The following CLIC5 variants were observed in gnomAD, a reference collection of about 807,000 sequenced individuals.
CLIC5 encodes chloride intracellular channel protein 5.
A neutral mutation model predicts 24.7 loss-of-function variants in CLIC5; 20 were observed. The ratio of observed to expected loss-of-function variants is 0.81; its 90% confidence interval spans 0.57 to 1.18. CLIC5 has a LOEUF of 1.18. Among genes scored for constraint, CLIC5 ranks in the 50% most tolerant of loss-of-function variants. The probability of loss-of-function intolerance (pLI) is 0.00; values close to 1 mark genes in which losing one functional copy is unlikely to be tolerated. For missense variants in CLIC5, 341 were observed against 326.1 expected (o/e 1.05, Z -0.35); for synonymous variants, 159 against 135.6 (o/e 1.17, Z -1.20).
chr6:46,052,013 A>G (rs1768116952), intron 1 of CLIC5, among the ~76,000 whole-genome samples: 2 of 152,260 alleles, frequency 1.3e-5, no homozygotes, highest in South Asian at 4.2e-4. Context: ...CATTCAGCAA[A>G]CATTGTTAAT....
At chr6:46,124,314 C>G in the CLIC5 span, among the ~76,000 whole-genome samples, 2 of 152,114 alleles carry the variant, frequency 1.3e-5, no homozygotes, top group Admixed American at 6.5e-5. Flanking sequence ...ACAAACCTGA[C>G]AAAAACAAGA....
chr6:45,972,425 G>A (rs952969288), intron 1 of CLIC5, among the ~76,000 whole-genome samples: 2 of 152,280 alleles, frequency 1.3e-5, no homozygotes, highest in South Asian at 2.1e-4. Context: ...AGAACACAAT[G>A]TCCTACAGCT....
intron 5 of CLIC5, chr6:45,912,684 T>C (rs1376826114): frequency 1.3e-6 from 2 of 1,534,862 alleles, no homozygotes; most frequent in Non-Finnish European, 1.7e-6. Flanking sequence ...ATTGTATCAC[T>C]CTGACACAGT....
chr6:45,905,781 A>C (rs1762644693), intron 5 of CLIC5, among the ~76,000 whole-genome samples: 1 of 152,084 alleles, frequency 6.6e-6, no homozygotes, highest in South Asian at 2.1e-4. Context: ...TTGTAACTTC[A>C]TCATAAATTA....
chr6:45,885,243 GC>G (rs1561910328), intron 6 of CLIC5, among the ~76,000 whole-genome samples: 6 of 152,048 alleles, frequency 3.9e-5, no homozygotes, highest in Admixed American at 2.6e-4. Flanking sequence ...GAGCTCTCTC[GC>G]CCTGTTTCTA....
chr6:45,965,090 C>A (rs150041203), intron 1 of CLIC5, among the ~76,000 whole-genome samples: 2 of 152,108 alleles, frequency 1.3e-5, no homozygotes, highest in Non-Finnish European at 2.9e-5. Context: ...CAGTACCTAG[C>A]GTTCAGGGTT....
At chr6:46,040,345 C>T (rs1414078578) in intron 1 of CLIC5, among the ~76,000 whole-genome samples, 1 of 151,988 alleles carries the variant, frequency 6.6e-6, no homozygotes, top group East Asian at 1.9e-4. Flanking sequence ...AATAGCTGAT[C>T]ATGGTGATGG....
intron 4 of CLIC5, among the ~76,000 whole-genome samples, chr6:45,927,460 T>C (rs1190235175): frequency 2.0e-5 from 3 of 152,116 alleles, no homozygotes; most frequent in African/African-American, 7.2e-5. Context: ...ATGAAGACAA[T>C]TCAGAAGAAA....
chr6:45,985,596 C>CAGTGGG (rs1765707345), intron 1 of CLIC5, among the ~76,000 whole-genome samples: 1 of 152,146 alleles, frequency 6.6e-6, no homozygotes, highest in East Asian at 2.0e-4. Flanking sequence ...TGGAGGCTGA[C>CAGTGGG]AGTGGGAATA....
chr6:46,020,569 A>C (rs1767147509), upstream of CLIC5, among the ~76,000 whole-genome samples: 1 of 151,982 alleles, frequency 6.6e-6, no homozygotes, highest in African/African-American at 2.4e-5. Context: ...ATAAAATAAT[A>C]AATATAAAAA....
At chr6:46,106,977 T>C in the CLIC5 span, among the ~76,000 whole-genome samples, 1 of 152,250 alleles carries the variant, frequency 6.6e-6, no homozygotes, top group African/African-American at 2.4e-5. Flanking sequence ...TTTATGTTTG[T>C]ATTTTTATAT....
At chr6:46,075,380 C>T (rs756498531) in intron 1 of CLIC5, among the ~76,000 whole-genome samples, 4 of 152,074 alleles carry the variant, frequency 2.6e-5, no homozygotes, top group Non-Finnish European at 5.9e-5. Flanking sequence ...ACAGCCCTGG[C>T]AACGGGGCAA....
intron 1 of CLIC5, among the ~76,000 whole-genome samples, chr6:46,006,768 C>A (rs954704492): frequency 1.3e-5 from 2 of 151,468 alleles, no homozygotes; most frequent in African/African-American, 4.9e-5. Context: ...ATCCACCTCC[C>A]GGGTTCAAGC....
intron 4 of CLIC5, among the ~76,000 whole-genome samples, chr6:45,939,158 T>A (rs1261913959): frequency 6.6e-6 from 1 of 151,708 alleles, no homozygotes; most frequent in Non-Finnish European, 1.5e-5. Context: ...ATCACCCCAG[T>A]CTCTGACTGT....
chr6:46,057,046 T>C (rs1450567019), intron 1 of CLIC5, among the ~76,000 whole-genome samples: 1 of 152,234 alleles, frequency 6.6e-6, no homozygotes, highest in African/African-American at 2.4e-5. Flanking sequence ...ATGATCCTCA[T>C]TGCATTTTCT....
the CLIC5 span, among the ~76,000 whole-genome samples, chr6:46,128,772 T>A: frequency 4.6e-5 from 7 of 152,090 alleles, 1 homozygote; most frequent in Admixed American, 3.3e-4. Context: ...CCCACTACCA[T>A]CCCCTCCAGC....
the CLIC5 span, among the ~76,000 whole-genome samples, chr6:46,095,863 G>A: frequency 4.0e-5 from 6 of 151,574 alleles, 1 homozygote; most frequent in East Asian, 1.2e-3. Context: ...GTATTAGTCT[G>A]TACTAAGCTG....
At chr6:46,118,182 A>G in the CLIC5 span, among the ~76,000 whole-genome samples, 1 of 152,226 alleles carries the variant, frequency 6.6e-6, no homozygotes, top group Admixed American at 6.5e-5. Flanking sequence ...TCTCTTGCTT[A>G]GCATTTATGC....
chr6:46,068,576 G>A (rs1206938004), intron 1 of CLIC5, among the ~76,000 whole-genome samples: 2 of 152,056 alleles, frequency 1.3e-5, no homozygotes, highest in Non-Finnish European at 2.9e-5. Context: ...GTTATGGCCC[G>A]AATTGTATAC....
Sources: allele counts gnomAD v4.1 joint callset (sites outside exome capture counted in the v4.1 genomes callset), GRCh38; gene constraint gnomAD v4.1.1; transcripts MANE v1.5; gene names NCBI Gene and HGNC (gene_info 2026-07-23, HGNC 2026-07-21).